The following MAP3K3 variants were observed in gnomAD, a reference collection of about 807,000 sequenced individuals.
The protein encoded by MAP3K3 is MAP/ERK kinase kinase 3.
In MAP3K3, 12 loss-of-function variants were observed where a neutral mutation model predicts 80.9. The observed-to-expected ratio is 0.15, with a 90% confidence interval of 0.10 to 0.24. The LOEUF is 0.24. Ranked by LOEUF, MAP3K3 falls within the 10% of genes least tolerant of loss-of-function variation. The pLI is 1.00. For missense variants in MAP3K3, 596 were observed against 834.7 expected (o/e 0.71, Z 3.52); for synonymous variants, 272 against 307.1 (o/e 0.89, Z 1.19).
At chr17:63,624,772 C>A (rs1394171876) in intron 1 of MAP3K3, among the ~76,000 whole-genome samples, 1 of 152,234 alleles carries the variant, frequency 6.6e-6, no homozygotes, top group East Asian at 1.9e-4. Context: ...TTCCCCCATA[C>A]AATTCTCTCC....
At chr17:63,661,996 G>A (rs989682466) in intron 5 of MAP3K3, among the ~76,000 whole-genome samples, 10 of 152,034 alleles carry the variant, frequency 6.6e-5, no homozygotes, top group Admixed American at 3.9e-4. Flanking sequence ...CCAGCTACTC[G>A]GGAGGCTGAG....
At chr17:63,677,005 A>T (rs2035232713) in intron 6 of MAP3K3, among the ~76,000 whole-genome samples, 1 of 152,234 alleles carries the variant, frequency 6.6e-6, no homozygotes, top group African/African-American at 2.4e-5. Flanking sequence ...GGTGGAATCC[A>T]TCTTACGCCT....
At chr17:63,678,873 T>C (rs544316050) in intron 6 of MAP3K3, among the ~76,000 whole-genome samples, 4 of 151,910 alleles carry the variant, frequency 2.6e-5, no homozygotes, top group South Asian at 2.1e-4. Context: ...CTACTAAAAA[T>C]ATAAGAATTA....
intron 1 of MAP3K3, among the ~76,000 whole-genome samples, chr17:63,628,885 G>A (rs981872995): frequency 6.6e-6 from 1 of 152,150 alleles, no homozygotes; most frequent in African/African-American, 2.4e-5. Flanking sequence ...TCTCATTGAT[G>A]ATAATAATAG....
intron 1 of MAP3K3, among the ~76,000 whole-genome samples, chr17:63,623,850 C>T (rs1383781965): frequency 1.3e-5 from 2 of 152,152 alleles, no homozygotes; most frequent in Admixed American, 1.3e-4. Flanking sequence ...CTGTGAAGTG[C>T]CCCATGTGAA....
intron 4 of MAP3K3, among the ~76,000 whole-genome samples, chr17:63,654,652 G>A (rs1241132804): frequency 6.6e-6 from 1 of 152,142 alleles, no homozygotes; most frequent in Admixed American, 6.5e-5. Context: ...TATAATGGTT[G>A]CACAATTTTA....
Position 63,693,994 on chromosome 17 carries a change from G to A in MAP3K3, c.*217G>A, listed in dbSNP as rs2035644350. ...GGAGCCCCCAGCCTGTCAGATCCAG[G>A]AGCTCCAGTGTCCTGAGCTCAGCGT... On this transcript the variant is annotated 3_prime_UTR_variant, in exon 16 of 16. Coordinates refer to ENST00000361733, the MANE Select transcript of MAP3K3 (RefSeq NM_002401.5). This position sits in a 1 kb window ranked among gnomAD's most constrained non-coding sequence, Gnocchi z 4.2. 1 of 526,244 alleles carries A rather than the reference G, an allele frequency of 1.9e-6. No homozygotes were observed. Among genetic ancestry groups the A allele is most frequent in the East Asian group, 3.4e-5 (1 of 29,398 alleles). The allele number at this position is 526,244 out of a possible 1,614,324, so 32.6% of individuals were successfully genotyped here. A position where few individuals can be genotyped will look rare whatever the true frequency, so the allele number is the denominator to read the frequency against.
intron 5 of MAP3K3, among the ~76,000 whole-genome samples, chr17:63,661,137 C>T (rs931222166): frequency 1.3e-5 from 2 of 151,704 alleles, no homozygotes; most frequent in Non-Finnish European, 2.9e-5. Context: ...ACCTCCGCCT[C>T]CCAGATTCAA....
intron 7 of MAP3K3, among the ~76,000 whole-genome samples, chr17:63,684,235 G>A (rs941056673): frequency 4.6e-5 from 7 of 152,136 alleles, no homozygotes; most frequent in Non-Finnish European, 8.8e-5. Flanking sequence ...TTACAAGAGC[G>A]TTCACAGGAC....
In MAP3K3 at chr17:63,688,845, TACC is replaced by T. The variant is rs2035519607; in HGVS notation, c.838_840del (p.His280del). ...CAAAGGTGGAACCTACCCCCGGCGC[TACC>T]ACGTGTCTGTGCACCACAAGGACTA... On this transcript the variant is annotated inframe_deletion, in exon 10 of 16. Transcript: ENST00000361733. 1 of 1,614,004 alleles carries T rather than the reference TACC, an allele frequency of 6.2e-7. No homozygotes were observed. The highest frequency in any genetic ancestry group is 1.3e-5 in the African/African-American group (1 of 74,926).
In MAP3K3 at chr17:63,693,789, C is replaced by T. The variant is rs2035640217; in HGVS notation, c.*12C>T. 6.3e-7 allele frequency: 1 copy of T among 1,589,876 alleles called. No homozygotes were observed. Among genetic ancestry groups the T allele is most frequent in the Non-Finnish European group, 8.6e-7 (1 of 1,168,630 alleles). On this transcript the variant is annotated 3_prime_UTR_variant, in exon 16 of 16. Transcript: ENST00000361733. This position sits in a 1 kb window ranked among gnomAD's most constrained non-coding sequence, Gnocchi z 4.2. ...AGCTCATGTACTGAGCTCTCACGGC[C>T]ACACAGCTGCCGGTCGCCCTTTGCT...
chr17:63,690,909 G>T, intron 12 of MAP3K3, 193 bp from the exon 13 acceptor site: 1 of 628,692 alleles, frequency 1.6e-6, no homozygotes, highest in Admixed American at 2.9e-5. Context: ...TTCCACCCAT[G>T]GGAGTGCCAC....
chr17:63,674,843 C>T (rs1046734812), intron 6 of MAP3K3, among the ~76,000 whole-genome samples: 1 of 151,940 alleles, frequency 6.6e-6, no homozygotes, highest in Non-Finnish European at 1.5e-5. Flanking sequence ...CTCTGAGAGA[C>T]ATGGAGGGAA....
intron 2 of MAP3K3, among the ~76,000 whole-genome samples, chr17:63,635,736 T>G (rs551066190): frequency 6.6e-6 from 1 of 152,308 alleles, no homozygotes; most frequent in East Asian, 1.9e-4. Context: ...TATTGTAGTT[T>G]TTGTTAGCCT....
intron 3 of MAP3K3, among the ~76,000 whole-genome samples, chr17:63,651,526 A>G (rs1415160213): frequency 6.6e-6 from 1 of 152,152 alleles, no homozygotes; most frequent in Non-Finnish European, 1.5e-5. Context: ...AATTTCAAGC[A>G]CACACAAAAG....
intron 2 of MAP3K3, chr17:63,636,946 G>T: frequency 1.7e-6 from 1 of 589,418 alleles, no homozygotes; most frequent in East Asian, 4.5e-5. Context: ...GGACGGGCTG[G>T]TCTAGGGGGG....
chr17:63,669,065 C>T (rs960974038), intron 6 of MAP3K3, among the ~76,000 whole-genome samples: 2 of 152,178 alleles, frequency 1.3e-5, no homozygotes, highest in African/African-American at 4.8e-5. Flanking sequence ...ACCCCAGGGG[C>T]TTTGCACTGT....
chr17:63,690,434 A>G, intron 12 of MAP3K3, 22 bp downstream of exon 12: 1 of 1,608,050 alleles, frequency 6.2e-7, no homozygotes, highest in Non-Finnish European at 8.5e-7. Flanking sequence ...CCGTGGTCTG[A>G]CTTCAGTTCC....
intron 2 of MAP3K3, among the ~76,000 whole-genome samples, chr17:63,635,805 A>G (rs577918830): frequency 3.9e-5 from 6 of 152,220 alleles, no homozygotes; most frequent in Admixed American, 6.5e-5. Flanking sequence ...CAGAAAGTCC[A>G]TGCTTAGGAA....
Sources: allele counts gnomAD v4.1 joint callset (sites outside exome capture counted in the v4.1 genomes callset), GRCh38; gene constraint gnomAD v4.1.1; non-coding constraint Gnocchi (gnomAD v3.1); transcripts MANE v1.5; gene names NCBI Gene and HGNC (gene_info 2026-07-23, HGNC 2026-07-21).